The following TNFRSF21 variants were observed in gnomAD, a reference collection of about 807,000 sequenced individuals.
The protein encoded by TNFRSF21 is tumor necrosis factor receptor superfamily member 21.
TNFRSF21 carries 19 observed loss-of-function variants against 45.6 expected under a neutral mutation model. That is an observed-to-expected ratio of 0.42 (90% CI 0.29 to 0.61). The LOEUF (loss-of-function observed/expected upper bound fraction) is 0.61. Ranked by LOEUF, TNFRSF21 falls within the 20% of genes least tolerant of loss-of-function variation. The pLI, the probability that TNFRSF21 is intolerant of heterozygous loss-of-function variation, is 0.23. For synonymous variants in TNFRSF21, 314 were observed against 335.5 expected, an observed-to-expected ratio of 0.94 and a Z score of 0.70; for missense variants, 737 against 851.5, an observed-to-expected ratio of 0.87 and a Z score of 1.67.
chr6:47,256,156 C>T (rs1469735330), intron 3 of TNFRSF21, among the ~76,000 whole-genome samples: 2 of 152,214 alleles, frequency 1.3e-5, no homozygotes, highest in Non-Finnish European at 2.9e-5. Context: ...AGACTGTATA[C>T]ACATTCTGCA....
intron 4 of TNFRSF21, 103 bp downstream of exon 4, chr6:47,253,153 T>C: frequency 7.3e-7 from 1 of 1,371,804 alleles, no homozygotes; most frequent in South Asian, 1.4e-5. Context: ...TGTGTGCCTA[T>C]CCACCGAATA....
chr6:47,260,206 C>G (rs1765052992), intron 3 of TNFRSF21, among the ~76,000 whole-genome samples: 2 of 152,112 alleles, frequency 1.3e-5, no homozygotes, highest in Non-Finnish European at 2.9e-5. Context: ...CACCAGACTC[C>G]CGGCTTCCTG....
chr6:47,259,358 C>T (rs182630862), intron 3 of TNFRSF21, among the ~76,000 whole-genome samples: 98 of 146,902 alleles, frequency 6.7e-4, no homozygotes, highest in Non-Finnish European at 1.0e-4. Flanking sequence ...GACAGGGGCA[C>T]AGAACATCAC....
chr6:47,259,418 G>A (rs1280838944), intron 3 of TNFRSF21, among the ~76,000 whole-genome samples: 2 of 151,344 alleles, frequency 1.3e-5, no homozygotes, highest in Non-Finnish European at 2.9e-5. Context: ...CACCCAGGCT[G>A]GACTGGAGTG....
chr6:47,232,747 A>G lies in TNFRSF21; in HGVS notation c.*18T>C. ...GCCACTAAATTGAGTAATTTCCAGA[A>G]TGCAGTATCCCTATGTTCTACAGCA... On this transcript the variant is annotated 3_prime_UTR_variant, in exon 6 of 6. Coordinates refer to ENST00000296861, the MANE Select transcript of TNFRSF21 (RefSeq NM_014452.5). 6.2e-7 allele frequency: 1 copy of G among 1,605,720 alleles called. No individual in the cohort carries two copies. The highest frequency in any genetic ancestry group is 8.5e-7 in the Non-Finnish European group (1 of 1,173,910).
intron 4 of TNFRSF21, among the ~76,000 whole-genome samples, chr6:47,244,554 T>C (rs1479972613): frequency 1.3e-5 from 2 of 152,222 alleles, no homozygotes; most frequent in African/African-American, 4.8e-5. Flanking sequence ...GTACGGCTTC[T>C]GTGCTTTATG....
intron 3 of TNFRSF21, among the ~76,000 whole-genome samples, chr6:47,262,373 T>C (rs1457832756): frequency 6.6e-6 from 1 of 152,230 alleles, no homozygotes; most frequent in Non-Finnish European, 1.5e-5. Context: ...CTCAAATGTC[T>C]GAAGCTGTTA....
rs74617523 is a variant in TNFRSF21 at position 47,285,598 on chromosome 6, T to C, written c.748+346A>G. On this transcript the variant is annotated intron_variant, in intron 2 of 5. Transcript: ENST00000296861. The stretch of plus-strand genomic sequence containing the variant: ...TTTGATCTGGAAGGAACCTTAAACA[T>C]CTAAATTATTCATTTGTTTGACAAG... Among the ~76,000 whole-genome samples the C allele has an allele frequency of 9.4e-3, 1,429 of 152,276 alleles. 26 individuals are homozygous for C. The highest frequency in any genetic ancestry group is 0.032 in the African/African-American group (1,340 of 41,554).
chr6:47,232,656 C>A lies in TNFRSF21; in HGVS notation c.*109G>T. The A allele has an allele frequency of 2.3e-6, 2 of 863,244 alleles. No individual in the cohort carries two copies. Among genetic ancestry groups the A allele is most frequent in the South Asian group, 1.7e-5 (1 of 58,228 alleles). 53.5% of individuals were successfully genotyped at this position (863,244 alleles called of 1,614,324 possible). On this transcript the variant is annotated 3_prime_UTR_variant, in exon 6 of 6. Transcript: ENST00000296861. The stretch of plus-strand genomic sequence containing the variant: ...ACACACACACACACACACACACACA[C>A]ACAAACACACACACACACCCCAAAC...
chr6:47,253,322 G>A lies in TNFRSF21; in HGVS notation c.1443C>T (p.Ala481=). ...PEASLAQLIS[A]LRQHRRNDVV... ...CATCGTTTCTCCGGTGCTGGCGCAG[G>A]GCGCTAATTAGCTGGGCGAGGCTGG... The change falls in exon 4 of 6, where the codon GCC becomes GCT. Residue 481 remains alanine (A), a synonymous_variant. Transcript: ENST00000296861. 6.2e-7 allele frequency: 1 copy of A among 1,613,944 alleles called. No homozygotes were observed. Among genetic ancestry groups the A allele is most frequent in the Non-Finnish European group, 8.5e-7 (1 of 1,179,960 alleles).
intron 4 of TNFRSF21, among the ~76,000 whole-genome samples, chr6:47,238,130 C>T (rs1403546399): frequency 2.0e-5 from 3 of 152,202 alleles, no homozygotes; most frequent in African/African-American, 7.2e-5. Context: ...GCAGTCACTA[C>T]CGATAAGTAT....
At chr6:47,295,836 A>C (rs1225354106) in intron 1 of TNFRSF21, among the ~76,000 whole-genome samples, 2 of 152,194 alleles carry the variant, frequency 1.3e-5, no homozygotes, top group Non-Finnish European at 2.9e-5. Context: ...TGCTAAGGCA[A>C]AAGCAGGGAC....
In TNFRSF21 at chr6:47,309,501, G is replaced by A. The variant is rs1305354602; in HGVS notation, c.11C>T (p.Ser4Phe). 3 of 1,510,728 alleles carry A rather than the reference G, an allele frequency of 2.0e-6. No individual in the cohort carries two copies. Among genetic ancestry groups the A allele is most frequent in the Non-Finnish European group, 2.6e-6 (3 of 1,137,594 alleles). 93.6% of individuals were successfully genotyped at this position (1,510,728 alleles called of 1,614,324 possible). Residue 4 changes from serine to phenylalanine, a missense_variant, in exon 1 of 6, where the codon TCT (serine) becomes TTT (phenylalanine). By Grantham distance (155) the Ser-to-Phe change is radical. Coordinates refer to ENST00000296861, the MANE Select transcript of TNFRSF21 (RefSeq NM_014452.5). ...GGCGAGGGCGGTGCTGCTGCTCGGA[G>A]AGGTCCCCATGGCTGAACCGGGGAC... Reference protein sequence around the residue: MGTSPSSSTALASC... With the variant: MGTFPSSSTALASC...
chr6:47,282,384 CAAAAAAAAAAT>C (rs1230234260), intron 3 of TNFRSF21, among the ~76,000 whole-genome samples: 5 of 86,764 alleles, frequency 5.8e-5, no homozygotes, highest in African/African-American at 2.3e-4. Flanking sequence ...AATTCTGTCT[CAAAAAAAAAAT>C]AAAAAAAAAA....
At chr6:47,292,319 C>T (rs147377109) in intron 1 of TNFRSF21, among the ~76,000 whole-genome samples, 7 of 151,864 alleles carry the variant, frequency 4.6e-5, no homozygotes, top group African/African-American at 1.2e-4. Context: ...TAAACTAGAT[C>T]GGAGGCTCAC....
At position 47,259,481 on chromosome 6, in the gene TNFRSF21, T is replaced by C. The variant is rs565686741; in HGVS notation, c.1244-5960A>G. On this transcript the variant is annotated intron_variant, in intron 3 of 5. Transcript: ENST00000296861. ...CCTCCACCTCCTGGGTTCAAGAGAT[T>C]CTCCGGCCTCAGGCTCCCGAGTAGC... is the stretch of plus-strand genomic sequence containing the variant. Among the ~76,000 whole-genome samples the C allele has an allele frequency of 2.6e-4, 40 of 152,136 alleles. 1 individual carries two copies. In the South Asian group the frequency reaches 6.9e-3, roughly 26 times the overall value.
In TNFRSF21 at chr6:47,284,356, G is replaced by A. The variant is rs764672177; in HGVS notation, c.825C>T (p.Val275=). The A allele has an allele frequency of 2.5e-6, 4 of 1,571,862 alleles. No individual in the cohort carries two copies. In the African/African-American group the frequency reaches 5.4e-5, roughly 21 times the overall value. The change falls in exon 3 of 6, where the codon GTC becomes GTT. Residue 275 remains valine, a synonymous_variant. Transcript: ENST00000296861. ...KVLSSIQEGT[V]PDNTSSARGK... ...CCCTTGCTGAGCTTGTGTTGTCAGGGACTGTCCCTTCCTGGATGCTACTCA... is the reference window on the plus strand; with the variant it reads ...CCCTTGCTGAGCTTGTGTTGTCAGGAACTGTCCCTTCCTGGATGCTACTCA...
intron 4 of TNFRSF21, among the ~76,000 whole-genome samples, chr6:47,251,171 AT>A (rs1764896901): frequency 2.0e-5 from 3 of 152,200 alleles, no homozygotes; most frequent in Non-Finnish European, 2.9e-5. Flanking sequence ...CCAAAAATCC[AT>A]GTTCATTGGC....
intron 1 of TNFRSF21, among the ~76,000 whole-genome samples, chr6:47,287,460 TTCTTG>T (rs1458525418): frequency 6.6e-6 from 1 of 152,106 alleles, no homozygotes; most frequent in Non-Finnish European, 1.5e-5. Context: ...ACTTGCCCTG[TTCTTG>T]TCTTTAGAAG....
Sources: gnomAD v4.1 joint callset for allele counts (sites outside exome capture counted in the v4.1 genomes callset) on GRCh38, gnomAD v4.1.1 for gene constraint, MANE v1.5 for transcripts, NCBI Gene and HGNC (gene_info 2026-07-23, HGNC 2026-07-21) for gene names.